The following RBFOX1 variants were observed in gnomAD, a reference collection of about 807,000 sequenced individuals.
RBFOX1 encodes RNA binding fox-1 homolog 1, also known as RNA binding protein fox-1 homolog 1.
In RBFOX1, 8 loss-of-function variants were observed where a neutral mutation model predicts 57.7. The ratio of observed to expected loss-of-function variants is 0.14; its 90% CI spans 0.08 to 0.25. The LOEUF (loss-of-function observed/expected upper bound fraction) is 0.25. RBFOX1 is among the 10% of genes least tolerant of loss of function. RBFOX1 has a pLI of 1.00. For synonymous variants in RBFOX1, 326 were observed against 222.4 expected (o/e 1.47, Z -4.15); for missense variants, 611 against 548.5 (o/e 1.11, Z -1.14).
intron 12 of RBFOX1, 77 bp from the exon 13 acceptor site, chr16:7,664,852 G>T (rs1373156572): frequency 6.2e-7 from 1 of 1,612,100 alleles, no homozygotes. Context: ...GACTAACCTC[G>T]CCAGTGCAGG....
In RBFOX1 at chr16:7,510,321, G is replaced by GT. The variant is rs532057488; in HGVS notation, c.28-7817dup. 1,340 of 973,962 alleles carry GT rather than the reference G, an allele frequency of 1.4e-3. 3 individuals are homozygous for GT. Among genetic ancestry groups the GT allele is most frequent in the African/African-American group, 5.7e-3 (322 of 56,804 alleles). The allele number at this position is 973,962 out of a possible 1,614,324, so 60.3% of individuals were successfully genotyped here. On this transcript the variant is annotated intron_variant, in intron 4 of 15. Coordinates refer to ENST00000550418, the MANE Select transcript of RBFOX1 (RefSeq NM_018723.4). ...GCAGGATGGTGCAGCAGGTATTTTT[G>GT]TTTTTTTTTCCATTTAATCTTTCAC...
chr16:6,709,414 G>C (rs1351892262), intron 3 of RBFOX1, among the ~76,000 whole-genome samples: 1 of 151,968 alleles, frequency 6.6e-6, no homozygotes, highest in Non-Finnish European at 1.5e-5. Context: ...TGCATTATGG[G>C]GTTTAAAAAA....
At chr16:5,269,310 T>C (rs8044966) in intron 1 of RBFOX1, among the ~76,000 whole-genome samples, 425 of 152,392 alleles carry the variant, frequency 2.8e-3, no homozygotes, top group African/African-American at 9.8e-3. Flanking sequence ...ATGAATTTCA[T>C]TGAGCATCTT....
chr16:7,706,210 GC>G (rs1292877030), intron 14 of RBFOX1, among the ~76,000 whole-genome samples: 1 of 152,146 alleles, frequency 6.6e-6, no homozygotes, highest in African/African-American at 2.4e-5. Flanking sequence ...TTGAAAAGAA[GC>G]CTCCTTGCTT....
At chr16:5,411,830 C>T (rs1470195269) in intron 1 of RBFOX1, among the ~76,000 whole-genome samples, 2 of 152,206 alleles carry the variant, frequency 1.3e-5, no homozygotes, top group South Asian at 2.1e-4. Context: ...CTGCAATGAA[C>T]TCTGATTGCA....
chr16:6,398,668 A>C (rs892223975), intron 2 of RBFOX1, among the ~76,000 whole-genome samples: 5 of 152,204 alleles, frequency 3.3e-5, no homozygotes, highest in African/African-American at 1.2e-4. Context: ...TGGTGATGCA[A>C]GAAGTGGGCC....
intron 2 of RBFOX1, among the ~76,000 whole-genome samples, chr16:5,589,522 A>G (rs754462678): frequency 7.9e-5 from 12 of 152,202 alleles, no homozygotes; most frequent in Non-Finnish European, 1.3e-4. Context: ...GTCCAAGGCC[A>G]TATAGCTCAT....
chr16:7,396,011 C>T (rs966534309), intron 4 of RBFOX1, among the ~76,000 whole-genome samples: 1 of 152,090 alleles, frequency 6.6e-6, no homozygotes, highest in Non-Finnish European at 1.5e-5. Context: ...GGGGAGCTTT[C>T]TCTTGATGGA....
chr16:6,998,675 C>G (rs1156415932), intron 3 of RBFOX1, among the ~76,000 whole-genome samples: 1 of 152,058 alleles, frequency 6.6e-6, no homozygotes, highest in African/African-American at 2.4e-5. Context: ...TTCCCTCAGA[C>G]TATTCCAAGA....
chr16:5,635,371 A>C (rs569668171), intron 3 of RBFOX1, among the ~76,000 whole-genome samples: 1 of 152,332 alleles, frequency 6.6e-6, no homozygotes, highest in Admixed American at 6.5e-5. Context: ...GTGGTTCTCT[A>C]GGCAGCAGAG....
At chr16:5,827,155 A>G (rs1288149347) in intron 3 of RBFOX1, among the ~76,000 whole-genome samples, 2 of 152,024 alleles carry the variant, frequency 1.3e-5, no homozygotes, top group Admixed American at 6.6e-5. Context: ...TAATCCCAGC[A>G]CTCTAGGAGG....
Position 7,655,110 on chromosome 16 carries a change from A to G in RBFOX1, c.890+1163A>G, listed in dbSNP as rs542621190. Among the ~76,000 whole-genome samples, 5 of 152,328 alleles carry G rather than the reference A, an allele frequency of 3.3e-5. No homozygotes were observed. The South Asian group carries it at 1.0e-3, about 32-fold the overall frequency. Reference sequence around the variant, plus strand: ...CTTGTAAATCTTTCAGAAAATCTACATTAGCCTAGATCATCTATTATACTC... The same window carrying G: ...CTTGTAAATCTTTCAGAAAATCTACGTTAGCCTAGATCATCTATTATACTC... On this transcript the variant is annotated intron_variant, in intron 12 of 15. Transcript: ENST00000550418.
At chr16:5,594,376 A>G (rs753741760) in intron 2 of RBFOX1, among the ~76,000 whole-genome samples, 20 of 152,192 alleles carry the variant, frequency 1.3e-4, no homozygotes, top group Non-Finnish European at 1.5e-4. Flanking sequence ...GTTAATTTAG[A>G]AAGTTTATTT....
intron 4 of RBFOX1, among the ~76,000 whole-genome samples, chr16:7,465,517 A>C (rs1343182535): frequency 2.0e-5 from 3 of 152,210 alleles, no homozygotes; most frequent in Non-Finnish European, 2.9e-5. Flanking sequence ...TCTGTCCCCA[A>C]GTCCATGGAA....
intron 3 of RBFOX1, among the ~76,000 whole-genome samples, chr16:5,807,188 A>G (rs995775989): frequency 4.6e-5 from 7 of 152,266 alleles, no homozygotes; most frequent in African/African-American, 1.7e-4. Flanking sequence ...TTCCACCATG[A>G]TGGAACCTAC....
Position 6,805,839 on chromosome 16 carries a change from G to T in RBFOX1, c.-16+151189G>T, listed in dbSNP as rs559634360. Among the ~76,000 whole-genome samples, 11 of 152,148 alleles carry T rather than the reference G, an allele frequency of 7.2e-5. No individual in the cohort carries two copies. In the South Asian group the frequency reaches 2.1e-3, roughly 29 times the overall value. On this transcript the variant is annotated intron_variant, in intron 3 of 15. Coordinates refer to ENST00000550418, the MANE Select transcript of RBFOX1 (RefSeq NM_018723.4). Reference sequence around the variant, plus strand: ...CCTGTTGTCCTCAGCATCTATCTCCGCCTTTCTCCTTACAGTCACACTTGG... The same window carrying T: ...CCTGTTGTCCTCAGCATCTATCTCCTCCTTTCTCCTTACAGTCACACTTGG...
At chr16:6,928,242 C>T (rs772971101) in intron 3 of RBFOX1, among the ~76,000 whole-genome samples, 4 of 152,136 alleles carry the variant, frequency 2.6e-5, no homozygotes, top group Non-Finnish European at 5.9e-5. Flanking sequence ...TTTAATTGGT[C>T]TGAGGATCCC....
chr16:5,465,120 G>A (rs2068912755), intron 1 of RBFOX1, among the ~76,000 whole-genome samples: 1 of 152,174 alleles, frequency 6.6e-6, no homozygotes, highest in South Asian at 2.1e-4. Context: ...AGATGGAGTG[G>A]CTTAAACAGC....
chr16:7,183,082 T>A (rs2083046126), intron 4 of RBFOX1, among the ~76,000 whole-genome samples: 1 of 152,168 alleles, frequency 6.6e-6, no homozygotes, highest in Non-Finnish European at 1.5e-5. Context: ...AATGATCCCC[T>A]AACTGCCAAT....
Sources: gnomAD v4.1 joint callset for allele counts (sites outside exome capture counted in the v4.1 genomes callset) on GRCh38, gnomAD v4.1.1 for gene constraint, MANE v1.5 for transcripts, NCBI Gene and HGNC (gene_info 2026-07-23, HGNC 2026-07-21) for gene names.